The following JAK1 variants were observed in gnomAD, a reference collection of about 807,000 sequenced individuals.
JAK1 encodes the protein Janus kinase 1.
A neutral mutation model predicts 136.6 loss-of-function variants in JAK1; 16 were observed. The ratio of observed to expected loss-of-function variants is 0.12; its 90% confidence interval spans 0.08 to 0.18. The LOEUF is 0.18. Among genes scored for constraint, JAK1 ranks in the 10% least tolerant of loss-of-function variants. JAK1 has a pLI of 1.00. For synonymous variants in JAK1, 492 were observed against 519.5 expected, an observed-to-expected ratio of 0.95 and a Z score of 0.72; for missense variants, 859 against 1,450.1, an observed-to-expected ratio of 0.59 and a Z score of 6.62.
At position 65,037,557 on chromosome 1, in the gene JAK1, T is replaced by C. The variant is rs1647085932; in HGVS notation, c.-78+6923A>G. Among the ~76,000 whole-genome samples, 6 of 152,314 alleles carry C rather than the reference T, an allele frequency of 3.9e-5. No homozygotes were observed. The South Asian group carries it at 1.2e-3, about 32-fold the overall frequency. ...AATTTTAGAAGTCAATAAGTATAGATTTTCATTTCTTCAGACTGTACATTT... is the reference window on the plus strand; with the variant it reads ...AATTTTAGAAGTCAATAAGTATAGACTTTCATTTCTTCAGACTGTACATTT... On this transcript the variant is annotated intron_variant, in intron 2 of 25. Transcript: ENST00000671954.
In JAK1 at chr1:64,883,380, T is replaced by C. The variant is rs769650438; in HGVS notation, c.102A>G (p.Pro34=). 2 of 1,614,054 alleles carry C rather than the reference T, an allele frequency of 1.2e-6. No homozygotes were observed. The highest frequency in any genetic ancestry group is 1.7e-5 in the Admixed American group (1 of 60,000). ...KTEVNLEAPE[P]GVEVIFYLSD... ...ACAGATAGAAGATCACTTCCACCCC[T>C]GGCTCAGGGGCCTCCAGGTTCACCT... The change falls in exon 3 of 25, where the codon CCA becomes CCG. Residue 34 remains proline, a synonymous_variant. Coordinates refer to ENST00000342505, the MANE Select transcript of JAK1 (RefSeq NM_002227.4).
chr1:64,914,334 T>C (rs944522829), intron 1 of JAK1, among the ~76,000 whole-genome samples: 6 of 152,194 alleles, frequency 3.9e-5, no homozygotes, highest in African/African-American at 9.7e-5. Flanking sequence ...AGAATGACCA[T>C]AGATGCTTCA....
chr1:64,857,649 GA>G lies in JAK1; in HGVS notation c.1458+6del. ...ATGGCCTGGTCCAAGCCAGTGTCCT[GA>G]CTGACCTCAGACTTCTCAAAGCAGG... is the stretch of plus-strand genomic sequence containing the variant. On this transcript the variant is annotated splice_donor_region_variant and intron_variant, in intron 10 of 24. Coordinates refer to ENST00000342505, the MANE Select transcript of JAK1 (RefSeq NM_002227.4). 1.2e-6 allele frequency: 2 copies of G among 1,614,006 alleles called. No homozygotes were observed. The highest frequency in any genetic ancestry group is 1.7e-6 in the Non-Finnish European group (2 of 1,179,998).
Position 65,024,902 on chromosome 1 carries a change from G to A in JAK1, c.-78+19578C>T, listed in dbSNP as rs537037139. Among the ~76,000 whole-genome samples the A allele has an allele frequency of 3.4e-4, 51 of 152,176 alleles. No individual in the cohort carries two copies. The East Asian group carries it at 7.3e-3, about 22-fold the overall frequency. ...TGAGGCACGAGAATCATTTGAACCC[G>A]GGAGGTAGAGGATGCAGTGAGCCGA... On this transcript the variant is annotated intron_variant, in intron 2 of 25. Coordinates refer to the JAK1 transcript ENST00000671954.
At chr1:64,974,524 AT>A (rs1261552362) in intron 2 of JAK1, 1 of 152,274 alleles carries the variant, frequency 6.6e-6, no homozygotes, top group East Asian at 1.9e-4. Flanking sequence ...CTACCATAGT[AT>A]GGCACATGGA....
chr1:64,976,804 T>A (rs1339314554), intron 2 of JAK1, among the ~76,000 whole-genome samples: 1 of 152,170 alleles, frequency 6.6e-6, no homozygotes, highest in Non-Finnish European at 1.5e-5. Context: ...CAGGGCAACT[T>A]GGGCTTCTCC....
Position 65,012,990 on chromosome 1 carries a change from G to A in JAK1, c.-78+31490C>T, listed in dbSNP as rs190440905. The stretch of plus-strand genomic sequence containing the variant: ...GAGCACCTGTAGTCCTAGCTACTCT[G>A]GAGGTTGAGGCAGGAGAATGGCGTG... On this transcript the variant is annotated intron_variant, in intron 2 of 25. Transcript: ENST00000671954. 1.9e-3 allele frequency among the ~76,000 whole-genome samples: 292 copies of A among 151,634 alleles called. 2 individuals are homozygous for A. Among genetic ancestry groups the A allele is most frequent in the African/African-American group, 6.6e-3 (271 of 41,280 alleles).
intron 2 of JAK1, among the ~76,000 whole-genome samples, chr1:65,038,274 C>T (rs1053004766): frequency 4.0e-5 from 6 of 150,538 alleles, no homozygotes; most frequent in Non-Finnish European, 8.8e-5. Flanking sequence ...TCTCAGCTCA[C>T]TGCAACCTCT....
chr1:64,909,637 A>G (rs1171806152), intron 1 of JAK1, among the ~76,000 whole-genome samples: 1 of 144,974 alleles, frequency 6.9e-6, no homozygotes, highest in African/African-American at 2.6e-5. Flanking sequence ...CCTAGGCAAC[A>G]TAGTGAAACC....
chr1:65,004,712 G>C (rs1199990287), intron 2 of JAK1, among the ~76,000 whole-genome samples: 2 of 152,272 alleles, frequency 1.3e-5, no homozygotes, highest in African/African-American at 4.8e-5. Flanking sequence ...TGTCTGTGGT[G>C]TTTCCACAAT....
At chr1:64,932,111 C>T (rs1333353662) in intron 1 of JAK1, among the ~76,000 whole-genome samples, 1 of 150,936 alleles carries the variant, frequency 6.6e-6, no homozygotes, top group Non-Finnish European at 1.5e-5. Context: ...GACATCATGG[C>T]ACTTTATAAA....
chr1:64,991,754 C>T lies in JAK1; in HGVS notation c.-78+52726G>A, dbSNP rs1473816721. 5 of 152,136 alleles carry T rather than the reference C, an allele frequency of 3.3e-5. 1 individual carries two copies. Among genetic ancestry groups the T allele is most frequent in the Non-Finnish European group, 7.4e-5 (5 of 68,018 alleles). 9.4% of individuals were successfully genotyped at this position (152,136 alleles called of 1,614,324 possible). A position where few individuals can be genotyped will look rare whatever the true frequency, so the allele number is the denominator to read the frequency against. On this transcript the variant is annotated intron_variant, in intron 2 of 25. Coordinates refer to the JAK1 transcript ENST00000671954. ...TCAACAAAGTTGCAGGTTATAAAATCAACACACAAAAATCAGTTGTCTATA... is the reference window on the plus strand; with the variant it reads ...TCAACAAAGTTGCAGGTTATAAAATTAACACACAAAAATCAGTTGTCTATA...
intron 1 of JAK1, among the ~76,000 whole-genome samples, chr1:64,962,819 G>A (rs1363399261): frequency 1.3e-5 from 2 of 152,174 alleles, no homozygotes; most frequent in Non-Finnish European, 2.9e-5. Flanking sequence ...TGTAATCCCA[G>A]CACTGTGGGA....
intron 2 of JAK1, among the ~76,000 whole-genome samples, chr1:65,031,972 T>C (rs1557766388): frequency 6.6e-6 from 1 of 151,362 alleles, no homozygotes; most frequent in Non-Finnish European, 1.5e-5. Flanking sequence ...TTTTTTTTTT[T>C]TTTTTTCTTG....
rs758633292 is a variant in JAK1, at chr1:64,839,588, C to T, written c.2842+15G>A. The T allele has an allele frequency of 1.2e-6, 2 of 1,609,528 alleles. No homozygotes were observed. Among genetic ancestry groups the T allele is most frequent in the Non-Finnish European group, 1.7e-6 (2 of 1,177,092 alleles). On this transcript the variant is annotated intron_variant, in intron 20 of 24. Coordinates refer to ENST00000342505, the MANE Select transcript of JAK1 (RefSeq NM_002227.4). ...ACCAAATCTTTAAACCGGACCCCAG[C>T]CTTGCATAACATACCGTCTTCTGTG...
At chr1:64,926,597 C>T (rs1645587397) in intron 1 of JAK1, among the ~76,000 whole-genome samples, 1 of 152,142 alleles carries the variant, frequency 6.6e-6, no homozygotes, top group African/African-American at 2.4e-5. Flanking sequence ...GATATACAGT[C>T]CACCTGATGA....
At chr1:65,040,145 G>A (rs977682776) in intron 2 of JAK1, among the ~76,000 whole-genome samples, 9 of 151,808 alleles carry the variant, frequency 5.9e-5, no homozygotes, top group East Asian at 1.9e-4. Flanking sequence ...AAATTAGGAG[G>A]TGGAGGTTGT....
At chr1:64,878,589 A>ATATATATATATATATATATG (rs1644718184) in intron 4 of JAK1, among the ~76,000 whole-genome samples, 1 of 63,184 alleles carries the variant, frequency 1.6e-5, no homozygotes, top group Non-Finnish European at 3.0e-5. Context: ...ATATATATAT[A>ATATATATATATATATATATG]TATATATATA....
At chr1:64,922,770 T>C (rs1052636832) in intron 1 of JAK1, among the ~76,000 whole-genome samples, 1 of 152,118 alleles carries the variant, frequency 6.6e-6, no homozygotes, top group Admixed American at 6.5e-5. Flanking sequence ...ATGAACACCA[T>C]CTCTAGAGCA....
Sources: allele counts gnomAD v4.1 joint callset (sites outside exome capture counted in the v4.1 genomes callset), GRCh38; gene constraint gnomAD v4.1.1; transcripts MANE v1.5; gene names NCBI Gene and HGNC (gene_info 2026-07-23, HGNC 2026-07-21).